Variants in NDUFS7 observed in about 807,000 individuals in gnomAD.
The protein encoded by NDUFS7 is NADH:ubiquinone oxidoreductase core subunit S7.
Under a neutral mutation model 31.1 loss-of-function variants are expected in NDUFS7, and 11 were observed. The observed-to-expected ratio is 0.35, with a 90% CI of 0.22 to 0.59. NDUFS7 has a LOEUF of 0.59. Ranked by LOEUF, NDUFS7 falls within the 20% of genes least tolerant of loss-of-function variation. NDUFS7 has a pLI of 0.79. For synonymous variants in NDUFS7, 136 were observed against 127.9 expected (o/e 1.06, Z -0.43); for missense variants, 263 against 324.2 (o/e 0.81, Z 1.45).
At chr19:1,390,367 G>T in intron 4 of NDUFS7, 1 of 206,438 alleles carries the variant, frequency 4.8e-6, no homozygotes, top group Non-Finnish European at 1.0e-5. Flanking sequence ...CCCCTGCCAG[G>T]TCTCAGAGCC....
rs564783708 is a variant in NDUFS7 at position 1,393,996 on chromosome 19, A to G, written c.544+666A>G. ...CATCCCCCCGGGCGTTCACCTTGAC[A>G]GTGGTCCACGGTAGGCAGGCTTGGA... On this transcript the variant is annotated intron_variant, in intron 7 of 7. Coordinates refer to ENST00000233627, the MANE Select transcript of NDUFS7 (RefSeq NM_024407.5). The surrounding 1 kb of genome is among the most constrained non-coding windows in gnomAD (Gnocchi z 7.3). 4.0e-6 allele frequency: 1 copy of G among 250,086 alleles called. No homozygotes were observed. Among genetic ancestry groups the G allele is most frequent in the African/African-American group, 2.2e-5 (1 of 44,490 alleles). 15.5% of individuals were successfully genotyped at this position (250,086 alleles called of 1,614,324 possible).
At position 1,393,201 on chromosome 19, in the gene NDUFS7, C is replaced by T. The variant is rs1401655007; in HGVS notation, c.456-41C>T. On this transcript the variant is annotated intron_variant, in intron 6 of 7. Coordinates refer to ENST00000233627, the MANE Select transcript of NDUFS7 (RefSeq NM_024407.5). This position sits in a 1 kb window ranked among gnomAD's most constrained non-coding sequence, Gnocchi z 7.3. ...GCCTCGTGGAGGGAGGGTGGGCAGG[C>T]GGGTCTTCGGCACACTCCCCTCACG... is the stretch of plus-strand genomic sequence containing the variant. 10 of 1,501,596 alleles carry T rather than the reference C, an allele frequency of 6.7e-6. No homozygotes were observed. Among genetic ancestry groups the T allele is most frequent in the African/African-American group, 1.4e-5 (1 of 71,870 alleles). The allele number at this position is 1,501,596 out of a possible 1,614,324, so 93.0% of individuals were successfully genotyped here.
At chr19:1,384,464 TG>T (rs2082494926) in intron 1 of NDUFS7, among the ~76,000 whole-genome samples, 1 of 152,236 alleles carries the variant, frequency 6.6e-6, no homozygotes, top group Non-Finnish European at 1.5e-5. Flanking sequence ...GGGACTTTTT[TG>T]GGATCAGCTG....
Position 1,393,515 on chromosome 19 carries a change from T to C in NDUFS7, c.544+185T>C. The C allele has an allele frequency of 1.4e-6, 1 of 690,448 alleles. No individual in the cohort carries two copies. Among genetic ancestry groups the C allele is most frequent in the South Asian group, 1.5e-5 (1 of 66,834 alleles). The allele number at this position is 690,448 out of a possible 1,614,324, so 42.8% of individuals were successfully genotyped here. A position where few individuals can be genotyped will look rare whatever the true frequency, so the allele number is the denominator to read the frequency against. The stretch of plus-strand genomic sequence containing the variant: ...TGTCCCCTGTGAGAAGTCGGCGATG[T>C]ATTCAGGCATCAGAGGGATCAGAGG... On this transcript the variant is annotated intron_variant, in intron 7 of 7. Coordinates refer to ENST00000233627, the MANE Select transcript of NDUFS7 (RefSeq NM_024407.5). The surrounding 1 kb of genome is among the most constrained non-coding windows in gnomAD (Gnocchi z 7.3).
chr19:1,393,565 C>CCTG lies in NDUFS7; in HGVS notation c.544+236_544+238dup, dbSNP rs1417710996. 3.1e-6 allele frequency: 2 copies of CCTG among 647,038 alleles called. No individual in the cohort carries two copies. Among genetic ancestry groups the CCTG allele is most frequent in the African/African-American group, 3.6e-5 (2 of 55,786 alleles). 40.1% of individuals were successfully genotyped at this position (647,038 alleles called of 1,614,324 possible). On this transcript the variant is annotated intron_variant, in intron 7 of 7. Coordinates refer to ENST00000233627, the MANE Select transcript of NDUFS7 (RefSeq NM_024407.5). This position sits in a 1 kb window ranked among gnomAD's most constrained non-coding sequence, Gnocchi z 7.3. ...GGAGCAGGGGAAGCTGAGTGGAATT[C>CCTG]CTGACACACGCCTGGTTTACAGCAG...
Position 1,395,297 on chromosome 19 carries a change from C to G in NDUFS7, c.545-94C>G. ...CAGCCTCCACCTTCAGAGGCCGGCC[C>G]GGGAAACCCTTCCAAAGCCGAGCCG... On this transcript the variant is annotated intron_variant, in intron 7 of 7. Transcript: ENST00000233627. The G allele has an allele frequency of 2.0e-6, 3 of 1,510,974 alleles. No individual in the cohort carries two copies. The Middle Eastern group carries it at 7.0e-4, about 354-fold the overall frequency. 93.6% of individuals were successfully genotyped at this position (1,510,974 alleles called of 1,614,324 possible).
intron 4 of NDUFS7, chr19:1,389,351 G>C (rs1478199544): frequency 4.2e-6 from 2 of 478,162 alleles, no homozygotes; most frequent in East Asian, 1.2e-4. Context: ...ACACGTCCTT[G>C]TGTGGACACA....
chr19:1,387,650 G>C (rs902149188), intron 1 of NDUFS7, 161 bp from the exon 2 acceptor site: 5 of 687,718 alleles, frequency 7.3e-6, no homozygotes, highest in African/African-American at 5.3e-5. Flanking sequence ...AGACTCTCTC[G>C]TGTTCTGAAA....
At chr19:1,389,271 ACGCACACTCG>A in intron 4 of NDUFS7, 1 of 614,120 alleles carries the variant, frequency 1.6e-6, no homozygotes, top group Non-Finnish European at 3.1e-6. Flanking sequence ...ACACATGCAC[ACGCACACTCG>A]CACACACGTG....
Position 1,391,060 on chromosome 19 carries a change from G to A in NDUFS7, c.408+10G>A. 11 of 1,612,574 alleles carry A rather than the reference G, an allele frequency of 6.8e-6. No individual in the cohort carries two copies. The highest frequency in any genetic ancestry group is 9.3e-6 in the Non-Finnish European group (11 of 1,179,562). On this transcript the variant is annotated intron_variant, in intron 5 of 7. Coordinates refer to ENST00000233627, the MANE Select transcript of NDUFS7 (RefSeq NM_024407.5). ...CCCAGCGCTTCGCAAGGTAGGCCTC[G>A]TCCCAGCCGCCCAGCCGCCCCCAGA...
chr19:1,387,307 G>T (rs2082513622), intron 1 of NDUFS7: 1 of 181,132 alleles, frequency 5.5e-6, no homozygotes, highest in South Asian at 1.1e-4. Context: ...TGCTGGAGTG[G>T]CAGGCACCCC....
At chr19:1,388,760 T>C (rs989806082) in intron 3 of NDUFS7, 73 bp from the exon 4 acceptor site, 12 of 1,495,162 alleles carry the variant, frequency 8.0e-6, no homozygotes, top group Non-Finnish European at 1.1e-5. Flanking sequence ...GCAGCGGCCG[T>C]GGGGGCTCGC....
chr19:1,391,709 A>G, intron 6 of NDUFS7: 1 of 154,194 alleles, frequency 6.5e-6, no homozygotes, highest in Admixed American at 6.4e-5. Context: ...CTGGTCTTGA[A>G]CTCCCTCAGG....
chr19:1,386,436 A>G (rs1419380398), intron 1 of NDUFS7: 1 of 152,122 alleles, frequency 6.6e-6, no homozygotes, highest in Non-Finnish European at 1.5e-5. Context: ...CTTTTCTTAC[A>G]AGGACATAAG....
chr19:1,393,902 G>A lies in NDUFS7; in HGVS notation c.544+572G>A, dbSNP rs774456856. 5.6e-5 allele frequency: 13 copies of A among 233,816 alleles called. No individual in the cohort carries two copies. Among genetic ancestry groups the A allele is most frequent in the Non-Finnish European group, 9.4e-5 (11 of 117,072 alleles). The allele number at this position is 233,816 out of a possible 1,614,324, so 14.5% of individuals were successfully genotyped here. Reference sequence around the variant, plus strand: ...TGGCTGCATACCTGAAATTCACATCGCACCGGGAACATTCTTTATATCTGG... The same window carrying A: ...TGGCTGCATACCTGAAATTCACATCACACCGGGAACATTCTTTATATCTGG... On this transcript the variant is annotated intron_variant, in intron 7 of 7. Coordinates refer to ENST00000233627, the MANE Select transcript of NDUFS7 (RefSeq NM_024407.5). The surrounding 1 kb of genome is among the most constrained non-coding windows in gnomAD (Gnocchi z 7.3).
Position 1,388,531 on chromosome 19 carries a change from C to T in NDUFS7, c.60C>T (p.Ser20=), listed in dbSNP as rs972343810. 5 of 1,611,092 alleles carry T rather than the reference C, an allele frequency of 3.1e-6. No homozygotes were observed. Among genetic ancestry groups the T allele is most frequent in the African/African-American group, 2.7e-5 (2 of 74,914 alleles). The change falls in exon 3 of 8, where the codon AGC becomes AGT. Residue 20 remains serine (S), a synonymous_variant. Transcript: ENST00000233627. ...GCGTTCCATCTCCCGGCAGCTCCAG[C>T]GTGGGCCCGGCTGTGCAGGCACGAG... is the stretch of plus-strand genomic sequence containing the variant. ...RGFRILGLRS[S]VGPAVQARGV... is the part of the protein sequence containing the mutation.
At chr19:1,389,213 A>G in intron 4 of NDUFS7, 2 of 680,986 alleles carry the variant, frequency 2.9e-6, no homozygotes, top group Non-Finnish European at 5.4e-6. Context: ...ACGCTTGCAC[A>G]CATACACACA....
intron 7 of NDUFS7, chr19:1,394,621 A>T (rs1308274951): frequency 0.017 from 15,421 of 884,762 alleles, 5 homozygotes; most frequent in Admixed American, 0.15. Context: ...CCTCCCTCCC[A>T]GCGGACCGCG....
intron 6 of NDUFS7, among the ~76,000 whole-genome samples, chr19:1,391,386 A>C (rs994779585): frequency 6.6e-6 from 1 of 151,718 alleles, no homozygotes; most frequent in African/African-American, 2.4e-5. Flanking sequence ...AGCAGACCCC[A>C]CATTCCGCCC....
Sources: allele counts gnomAD v4.1 joint callset (sites outside exome capture counted in the v4.1 genomes callset), GRCh38; gene constraint gnomAD v4.1.1; non-coding constraint Gnocchi (gnomAD v3.1); transcripts MANE v1.5; gene names NCBI Gene and HGNC (gene_info 2026-07-23, HGNC 2026-07-21).